The following PAPSS1 variants were observed in gnomAD, a reference collection of about 807,000 sequenced individuals.
PAPSS1 encodes bifunctional 3'-phosphoadenosine 5'-phosphosulfate synthase 1.
Under a neutral mutation model 72.0 loss-of-function variants are expected in PAPSS1, and 50 were observed. That is an observed-to-expected ratio of 0.69 (90% confidence interval 0.55 to 0.88). The LOEUF is 0.88. PAPSS1 is among the 40% of genes least tolerant of loss of function. PAPSS1 has a pLI of 0.00. For missense variants in PAPSS1, 657 were observed against 782.2 expected, an observed-to-expected ratio of 0.84 and a Z score of 1.91; for synonymous variants, 261 against 263.6, an observed-to-expected ratio of 0.99 and a Z score of 0.09.
intron 7 of PAPSS1, among the ~76,000 whole-genome samples, chr4:107,656,286 T>G (rs972309228): frequency 2.0e-5 from 3 of 152,056 alleles, no homozygotes; most frequent in Non-Finnish European, 4.4e-5. Flanking sequence ...TAGCTAAGTT[T>G]TGTATTCTTA....
At chr4:107,669,020 G>T (rs1425360090) in intron 5 of PAPSS1, among the ~76,000 whole-genome samples, 1 of 152,116 alleles carries the variant, frequency 6.6e-6, no homozygotes, top group Admixed American at 6.5e-5. Context: ...CATGGTACTT[G>T]ATATATTCAT....
chr4:107,632,193 C>T (rs777995500), intron 10 of PAPSS1, among the ~76,000 whole-genome samples: 1 of 151,978 alleles, frequency 6.6e-6, no homozygotes, highest in Non-Finnish European at 1.5e-5. Flanking sequence ...AGCTCAAAAT[C>T]TAATATATGA....
chr4:107,675,131 A>C (rs1470517162), intron 5 of PAPSS1, among the ~76,000 whole-genome samples: 1 of 152,208 alleles, frequency 6.6e-6, no homozygotes, highest in Non-Finnish European at 1.5e-5. Flanking sequence ...GAACTAGAGA[A>C]GCAAGAGCAA....
chr4:107,614,102 CA>C lies in PAPSS1; in HGVS notation c.*146del. 1 of 683,914 alleles carries C rather than the reference CA, an allele frequency of 1.5e-6. No individual in the cohort carries two copies. 42.4% of individuals were successfully genotyped at this position (683,914 alleles called of 1,614,324 possible). A position where few individuals can be genotyped will look rare whatever the true frequency, so the allele number is the denominator to read the frequency against. On this transcript the variant is annotated 3_prime_UTR_variant, in exon 12 of 12. Coordinates refer to ENST00000265174, the MANE Select transcript of PAPSS1 (RefSeq NM_005443.5). ...CTTGTTCAAAACAGAACTCATAAGG[CA>C]GACCAAAACTGATGCAAGTTAAGGA... is the stretch of plus-strand genomic sequence containing the variant.
intron 1 of PAPSS1, among the ~76,000 whole-genome samples, chr4:107,713,559 A>G (rs62313401): frequency 0.28 from 43,260 of 151,884 alleles, 7,204 homozygotes; most frequent in East Asian, 0.46. Flanking sequence ...AGAGATCGAG[A>G]CCATCCTGAC....
intron 11 of PAPSS1, among the ~76,000 whole-genome samples, chr4:107,617,847 T>C (rs992739734): frequency 2.6e-5 from 4 of 152,312 alleles, no homozygotes; most frequent in Admixed American, 2.0e-4. Flanking sequence ...AAATGTCAAG[T>C]CGACCATGAT....
intron 7 of PAPSS1, among the ~76,000 whole-genome samples, chr4:107,655,948 G>T (rs992734652): frequency 1.3e-5 from 2 of 152,128 alleles, no homozygotes; most frequent in African/African-American, 4.8e-5. Context: ...TCACCACCCA[G>T]TTAAAATAAG....
At chr4:107,686,320 T>C (rs1722785716) in intron 4 of PAPSS1, among the ~76,000 whole-genome samples, 1 of 152,250 alleles carries the variant, frequency 6.6e-6, no homozygotes, top group East Asian at 1.9e-4. Flanking sequence ...ATATAACCTA[T>C]GTTCATTCTT....
At chr4:107,698,921 T>C (rs574310064) in intron 2 of PAPSS1, among the ~76,000 whole-genome samples, 16 of 152,208 alleles carry the variant, frequency 1.1e-4, no homozygotes, top group South Asian at 4.1e-4. Context: ...TGAGGTTTTA[T>C]TGGAACCTAA....
At position 107,717,216 on chromosome 4, in the gene PAPSS1, G is replaced by A. The variant is rs55912879; in HGVS notation, c.60+2904C>T. On this transcript the variant is annotated intron_variant, in intron 1 of 11. Coordinates refer to ENST00000265174, the MANE Select transcript of PAPSS1 (RefSeq NM_005443.5). ...TAAATATATTATTGAAATTTATTTC[G>A]CGGTTACTTTTTACTTTTTAATGTG... is the stretch of plus-strand genomic sequence containing the variant. 4.4e-3 allele frequency among the ~76,000 whole-genome samples: 675 copies of A among 151,914 alleles called. 7 individuals carry two copies. Among genetic ancestry groups the A allele is most frequent in the African/African-American group, 0.015 (615 of 41,376 alleles).
intron 1 of PAPSS1, among the ~76,000 whole-genome samples, chr4:107,718,639 G>A (rs1723696139): frequency 6.6e-6 from 1 of 152,210 alleles, no homozygotes; most frequent in Non-Finnish European, 1.5e-5. Flanking sequence ...CAAGCAGTAA[G>A]TCCCACATTT....
intron 9 of PAPSS1, among the ~76,000 whole-genome samples, chr4:107,652,523 C>G (rs537437100): frequency 6.6e-6 from 1 of 152,274 alleles, no homozygotes; most frequent in South Asian, 2.1e-4. Context: ...CTATTCCGCT[C>G]TTAAATAACT....
rs755445498 is a variant in PAPSS1, at chr4:107,720,207, G to A, written c.-28C>T. ...CCGCGGAGCGCGCTGAGCAGCCGGGGTTCTCTGCGCCGGGAGGGTAGCAAG... is the reference window on the plus strand; with the variant it reads ...CCGCGGAGCGCGCTGAGCAGCCGGGATTCTCTGCGCCGGGAGGGTAGCAAG... On this transcript the variant is annotated 5_prime_UTR_variant, in exon 1 of 12. Transcript: ENST00000265174. 7.0e-5 allele frequency: 111 copies of A among 1,593,178 alleles called. 1 individual carries two copies. Among genetic ancestry groups the A allele is most frequent in the South Asian group, 7.0e-4 (62 of 88,990 alleles).
At chr4:107,688,367 C>CTGTAA (rs1358513453) in intron 3 of PAPSS1, among the ~76,000 whole-genome samples, 2 of 152,142 alleles carry the variant, frequency 1.3e-5, no homozygotes, top group African/African-American at 4.8e-5. Context: ...ATCACTTGAG[C>CTGTAA]CCAGGGGTTC....
intron 1 of PAPSS1, among the ~76,000 whole-genome samples, chr4:107,711,723 G>A (rs762140730): frequency 9.8e-5 from 15 of 152,316 alleles, no homozygotes; most frequent in Non-Finnish European, 1.8e-4. Context: ...GGATAAATGA[G>A]AGACTGTAGA....
intron 9 of PAPSS1, among the ~76,000 whole-genome samples, chr4:107,650,321 A>G (rs1023605680): frequency 6.6e-6 from 1 of 152,202 alleles, no homozygotes; most frequent in Non-Finnish European, 1.5e-5. Flanking sequence ...GTTTGATGTA[A>G]GGCTAATAAC....
intron 1 of PAPSS1, among the ~76,000 whole-genome samples, chr4:107,719,201 T>TTTTTTTTTTTTTATTTAGG (rs1723712172): frequency 6.6e-6 from 1 of 151,984 alleles, no homozygotes; most frequent in Non-Finnish European, 1.5e-5. Context: ...TTTTTTTCTT[T>TTTTTTTTTTTTTATTTAGG]GATTCATCTA....
chr4:107,679,405 TA>T (rs777215026), intron 5 of PAPSS1, among the ~76,000 whole-genome samples: 25 of 152,078 alleles, frequency 1.6e-4, no homozygotes, highest in Non-Finnish European at 3.4e-4. Context: ...TCTGGTGCAT[TA>T]AGAATAACTT....
intron 1 of PAPSS1, among the ~76,000 whole-genome samples, chr4:107,711,867 C>T (rs1308751341): frequency 6.6e-6 from 1 of 152,190 alleles, no homozygotes; most frequent in African/African-American, 2.4e-5. Flanking sequence ...GAAGATCATA[C>T]ATCCCTGGAG....
Sources: allele counts gnomAD v4.1 joint callset (sites outside exome capture counted in the v4.1 genomes callset), GRCh38; gene constraint gnomAD v4.1.1; transcripts MANE v1.5; gene names NCBI Gene and HGNC (gene_info 2026-07-23, HGNC 2026-07-21).